Variants in FAT1 observed in about 807,000 individuals in gnomAD.
FAT1 encodes FAT atypical cadherin 1, also known as protocadherin Fat 1.
In FAT1, 171 loss-of-function variants were observed where a neutral mutation model predicts 329.8. That is an observed-to-expected ratio of 0.52 (90% CI 0.46 to 0.59). The LOEUF (loss-of-function observed/expected upper bound fraction) is 0.59, where lower values mean the gene tolerates loss of function less well. Among genes scored for constraint, FAT1 ranks in the 20% least tolerant of loss-of-function variants. FAT1 has a pLI of 0.00. For missense variants in FAT1, 5,672 were observed against 5,774.4 expected (o/e 0.98, Z 0.57); for synonymous variants, 2,233 against 2,228.6 (o/e 1.00, Z -0.06).
Position 186,663,282 on chromosome 4 carries a change from G to C in FAT1, c.3580+17C>G, listed in dbSNP as rs1300889613. The C allele has an allele frequency of 1.9e-6, 3 of 1,568,084 alleles. No homozygotes were observed. Among genetic ancestry groups the C allele is most frequent in the Non-Finnish European group, 1.7e-6 (2 of 1,144,064 alleles). ...AGCATAAGCATAAACATTTCCTATA[G>C]CAGTATTAACACATACCTGTTTTAG... On this transcript the variant is annotated intron_variant, in intron 3 of 26. Coordinates refer to ENST00000441802, the MANE Select transcript of FAT1 (RefSeq NM_005245.4).
rs546367059 is a variant in FAT1 at position 186,670,173 on chromosome 4, G to A, written c.3266-6560C>T. On this transcript the variant is annotated intron_variant, in intron 2 of 26. Transcript: ENST00000441802. ...ATGCCAAGGCTTTCAACAAAGCCTC[G>A]TTACTTCTGACTCTCAGAAATACCT... Among the ~76,000 whole-genome samples, 444 of 152,144 alleles carry A rather than the reference G, an allele frequency of 2.9e-3. 3 individuals are homozygous for A. The highest frequency in any genetic ancestry group is 5.0e-3 in the Non-Finnish European group (339 of 68,010).
intron 11 of FAT1, among the ~76,000 whole-genome samples, chr4:186,616,737 G>C (rs1264882228): frequency 2.0e-5 from 3 of 152,188 alleles, no homozygotes; most frequent in Non-Finnish European, 4.4e-5. Context: ...ATCCCCTCAT[G>C]AAAAGGTTAC....
chr4:186,705,663 A>G (rs184202718), intron 2 of FAT1, among the ~76,000 whole-genome samples: 1 of 152,270 alleles, frequency 6.6e-6, no homozygotes. Context: ...CCTGCCCCGA[A>G]AGGCTCACAC....
Position 186,708,433 on chromosome 4 carries a change from C to G in FAT1, c.1395G>C (p.Gln465His), listed in dbSNP as rs2126696487. The G allele has an allele frequency of 6.2e-7, 1 of 1,614,020 alleles. No homozygotes were observed. The highest frequency in any genetic ancestry group is 8.5e-7 in the Non-Finnish European group (1 of 1,179,896). Reference protein sequence around the residue: ...GANSNPPEFTQTAYKAAFDEN... With the variant: ...GANSNPPEFTHTAYKAAFDEN... ...CATCAAAAGCAGCTTTGTACGCTGT[C>G]TGGGTAAATTCAGGGGGATTGCTAT... Residue 465 changes from glutamine (Q) to histidine (H), a missense_variant, in exon 2 of 27, where the codon CAG becomes CAC. By Grantham distance (24) the Gln-to-His change is conservative. Coordinates refer to ENST00000441802, the MANE Select transcript of FAT1 (RefSeq NM_005245.4).
At chr4:186,720,959 T>C (rs1361896496) in intron 1 of FAT1, among the ~76,000 whole-genome samples, 1 of 152,200 alleles carries the variant, frequency 6.6e-6, no homozygotes, top group Non-Finnish European at 1.5e-5. Flanking sequence ...GGCTGCTCTG[T>C]AGAGGACTCA....
At chr4:186,659,387 G>A (rs905910372) in intron 3 of FAT1, among the ~76,000 whole-genome samples, 14 of 152,300 alleles carry the variant, frequency 9.2e-5, no homozygotes, top group African/African-American at 2.9e-4. Flanking sequence ...GCTGCTGGAC[G>A]TTTAGGATAA....
At position 186,620,340 on chromosome 4, in the gene FAT1, G is replaced by T; in HGVS notation, c.6246C>A (p.Val2082=). ...TAACAACGGCGTAGTAGGGAAGGTT[G>T]ACAAACACCGGCGCATTATCATTTT... ...EDQNDNAPVF[V]NLPYYAVVKV... is the part of the protein sequence containing the mutation. Residue 2082 remains valine (V), a synonymous_variant, in exon 10 of 27, where the codon GTC becomes GTA. Transcript: ENST00000441802. 1 of 1,613,994 alleles carries T rather than the reference G, an allele frequency of 6.2e-7. No individual in the cohort carries two copies. The highest frequency in any genetic ancestry group is 8.5e-7 in the Non-Finnish European group (1 of 1,179,896).
At chr4:186,664,728 A>G (rs1034471777) in intron 2 of FAT1, among the ~76,000 whole-genome samples, 1 of 152,204 alleles carries the variant, frequency 6.6e-6, no homozygotes, top group African/African-American at 2.4e-5. Flanking sequence ...TACCAAAAAC[A>G]TATCACTGCA....
At chr4:186,705,889 T>C (rs1744563064) in intron 2 of FAT1, among the ~76,000 whole-genome samples, 1 of 152,226 alleles carries the variant, frequency 6.6e-6, no homozygotes, top group African/African-American at 2.4e-5. Context: ...ACTTAAACCT[T>C]CCGGTATTTC....
At chr4:186,637,424 T>C (rs2035818) in intron 4 of FAT1, among the ~76,000 whole-genome samples, 3,693 of 152,276 alleles carry the variant, frequency 0.024, 138 homozygotes, top group African/African-American at 0.079. Context: ...GTTAAATAAA[T>C]AGTACACCTT....
At chr4:186,650,197 G>C (rs139210533) in intron 3 of FAT1, among the ~76,000 whole-genome samples, 71 of 152,252 alleles carry the variant, frequency 4.7e-4, no homozygotes, top group African/African-American at 1.6e-3. Flanking sequence ...CTCTGGAATG[G>C]GACTTCCTTA....
At position 186,707,559 on chromosome 4, in the gene FAT1, A is replaced by C. The variant is rs1561008438; in HGVS notation, c.2269T>G (p.Ser757Ala). The change falls in exon 2 of 27, where the codon TCT becomes GCT. Residue 757 changes from serine (S) to alanine (A), a missense_variant. Ser to Ala is a moderately conservative substitution (Grantham distance 99). Coordinates refer to ENST00000441802, the MANE Select transcript of FAT1 (RefSeq NM_005245.4). Reference sequence around the variant, plus strand: ...AAGCAACTATCCTCATTTCCTCCAGAAACAGCATAGACCAGTTTTCCATTG... The same window carrying C: ...AAGCAACTATCCTCATTTCCTCCAGCAACAGCATAGACCAGTTTTCCATTG... ...GFNGKLVYAV[S>A]GGNEDSCFMI... is the part of the protein sequence containing the mutation. 1 of 1,614,038 alleles carries C rather than the reference A, an allele frequency of 6.2e-7. No homozygotes were observed.
In FAT1 at chr4:186,707,619, T is replaced by C. The variant is rs1744698777; in HGVS notation, c.2209A>G (p.Ile737Val). ...KENQPVGSSV[I>V]FMNSTDLDTG... The stretch of plus-strand genomic sequence containing the variant: ...TCAAGGTCAGTGGAGTTCATGAAAA[T>C]TACACTGGAACCCACAGGCTGGTTT... The change falls in exon 2 of 27, where the codon ATT becomes GTT. Residue 737 changes from isoleucine (I) to valine (V), a missense_variant. Ile to Val is a conservative substitution (Grantham distance 29). This residue lies in a region of FAT1 where 3,966 missense variants were observed against 3,915.2 expected (regional missense o/e 1.01). Coordinates refer to ENST00000441802, the MANE Select transcript of FAT1 (RefSeq NM_005245.4). The C allele has an allele frequency of 9.9e-6, 16 of 1,613,814 alleles. No individual in the cohort carries two copies. Among genetic ancestry groups the C allele is most frequent in the Non-Finnish European group, 1.4e-5 (16 of 1,179,894 alleles).
chr4:186,617,148 C>T lies in FAT1; in HGVS notation c.8932G>A (p.Val2978Ile), dbSNP rs773024674. ...AVETIQNEWK[V>I]YVKKPLDREK... is the part of the protein sequence containing the mutation. ...CTGTCTAGAGGTTTCTTCACATATA[C>T]CTTCCATTCATTCTGTATAGTTTCA... The change falls in exon 11 of 27, where the codon GTA (valine) becomes ATA (isoleucine). Residue 2978 changes from valine (V) to isoleucine (I), a missense_variant. Val to Ile is a conservative substitution (Grantham distance 29). This residue lies in a region of FAT1 where 3,966 missense variants were observed against 3,915.2 expected (regional missense o/e 1.01). Coordinates refer to ENST00000441802, the MANE Select transcript of FAT1 (RefSeq NM_005245.4). 13 of 1,613,666 alleles carry T rather than the reference C, an allele frequency of 8.1e-6. No homozygotes were observed. In the South Asian group the frequency reaches 8.8e-5, roughly 11 times the overall value.
In FAT1 at chr4:186,628,173, C is replaced by A; in HGVS notation, c.4791G>T (p.Val1597=). The A allele has an allele frequency of 6.2e-7, 1 of 1,613,864 alleles. No individual in the cohort carries two copies. Among genetic ancestry groups the A allele is most frequent in the Non-Finnish European group, 8.5e-7 (1 of 1,179,826 alleles). ...AAGTACCTGACTCGATCGAGTACAG[C>A]ACTTCAGCATTTTTCCCTTTGTCCT... is the stretch of plus-strand genomic sequence containing the variant. ...LDKDKGKNAE[V]LYSIESGNIG... is the part of the protein sequence containing the mutation. Residue 1597 remains valine, a synonymous_variant, in exon 9 of 27, where the codon GTG becomes GTT. Transcript: ENST00000441802.
chr4:186,701,869 A>G (rs1266084623), intron 2 of FAT1, among the ~76,000 whole-genome samples: 1 of 152,276 alleles, frequency 6.6e-6, no homozygotes, highest in Non-Finnish European at 1.5e-5. Context: ...GAGGTCAACA[A>G]TCAGGTTAGC....
At chr4:186,662,814 C>CA (rs1407505777) in intron 3 of FAT1, among the ~76,000 whole-genome samples, 1 of 151,716 alleles carries the variant, frequency 6.6e-6, no homozygotes, top group Non-Finnish European at 1.5e-5. Flanking sequence ...AAAGCAAACT[C>CA]AAAGTTTAAA....
chr4:186,709,344 T>C lies in FAT1; in HGVS notation c.484A>G (p.Thr162Ala), dbSNP rs766979902. 35 of 1,614,038 alleles carry C rather than the reference T, an allele frequency of 2.2e-5. No individual in the cohort carries two copies. The South Asian group carries it at 3.7e-4, about 17-fold the overall frequency. The change falls in exon 2 of 27, where the codon ACA (threonine) becomes GCA (alanine). Residue 162 changes from threonine to alanine, a missense_variant. Thr to Ala is a moderately conservative substitution (Grantham distance 58, BLOSUM62 0). Around this residue, in one of 2 missense-constraint regions of FAT1, gnomAD observed 3,966 missense variants for 3,915.2 expected, o/e 1.01. Transcript: ENST00000441802. ...TSYSVSLPEN[T>A]AIRTSIARVS... ...CTTGCGATACTGGTCCTTATAGCTG[T>C]GTTTTCAGGTAAAGAAACGCTGTAT...
intron 2 of FAT1, among the ~76,000 whole-genome samples, chr4:186,672,691 C>G (rs573253811): frequency 1.1e-4 from 17 of 152,288 alleles, no homozygotes; most frequent in African/African-American, 3.6e-4. Context: ...AGAAAGGAAA[C>G]AGACAGTACA....
Sources: gnomAD v4.1 joint callset for allele counts (sites outside exome capture counted in the v4.1 genomes callset) on GRCh38, gnomAD v4.1.1 for gene constraint, gnomAD v4.1.1 regional missense constraint, MANE v1.5 for transcripts, NCBI Gene and HGNC (gene_info 2026-07-23, HGNC 2026-07-21) for gene names.